Variants in BCAR3 observed in about 807,000 individuals in gnomAD.
BCAR3 encodes breast cancer anti-estrogen resistance protein 3.
Under a neutral mutation model 80.1 loss-of-function variants are expected in BCAR3, and 37 were observed. The ratio of observed to expected loss-of-function variants is 0.46; its 90% CI spans 0.36 to 0.61. The LOEUF is 0.61. Ranked by LOEUF, BCAR3 falls within the 20% of genes least tolerant of loss-of-function variation. The pLI is 0.00. For missense variants in BCAR3, 978 were observed against 1,068.2 expected (o/e 0.92, Z 1.18); for synonymous variants, 389 against 418.9 (o/e 0.93, Z 0.87).
intron 3 of BCAR3, among the ~76,000 whole-genome samples, chr1:93,687,610 C>T (rs1239895973): frequency 6.6e-6 from 1 of 152,170 alleles, no homozygotes; most frequent in East Asian, 1.9e-4. Flanking sequence ...CCCAGCCACA[C>T]TTAAATTTTT....
intron 9 of BCAR3, among the ~76,000 whole-genome samples, chr1:93,568,347 A>G (rs1030110063): frequency 1.3e-5 from 2 of 152,288 alleles, no homozygotes; most frequent in Admixed American, 1.3e-4. Flanking sequence ...CATCCCAGAG[A>G]TGGCAACTCT....
intron 2 of BCAR3, among the ~76,000 whole-genome samples, chr1:93,739,356 G>A (rs184986465): frequency 3.9e-5 from 6 of 152,160 alleles, no homozygotes; most frequent in African/African-American, 1.2e-4. Flanking sequence ...AATAGAAGGG[G>A]TGCCTAGATG....
At chr1:93,763,943 G>A (rs915733837) in intron 2 of BCAR3, among the ~76,000 whole-genome samples, 3 of 152,144 alleles carry the variant, frequency 2.0e-5, no homozygotes, top group African/African-American at 7.2e-5. Context: ...CCACTGATGG[G>A]ATCCAGCTCT....
chr1:93,607,630 A>G (rs1401401461), intron 3 of BCAR3, among the ~76,000 whole-genome samples: 1 of 150,296 alleles, frequency 6.7e-6, no homozygotes, highest in African/African-American at 2.4e-5. Flanking sequence ...AAGGCCCAGC[A>G]TGCTCTGTTC....
chr1:93,653,026 C>T (rs1647204003), intron 2 of BCAR3, among the ~76,000 whole-genome samples: 1 of 152,198 alleles, frequency 6.6e-6, no homozygotes, highest in Non-Finnish European at 1.5e-5. Flanking sequence ...GACACTTGAT[C>T]TGTAAGTGTT....
intron 3 of BCAR3, among the ~76,000 whole-genome samples, chr1:93,696,160 G>A (rs1027937446): frequency 3.3e-5 from 5 of 151,918 alleles, no homozygotes; most frequent in African/African-American, 4.8e-5. Context: ...AGCCTCCCGA[G>A]TAGTTGGAAT....
intron 7 of BCAR3, among the ~76,000 whole-genome samples, chr1:93,577,437 G>A (rs1673502830): frequency 6.6e-6 from 1 of 152,130 alleles, no homozygotes. Context: ...GCTCTCTAGT[G>A]GTAGACGCCA....
intron 2 of BCAR3, among the ~76,000 whole-genome samples, chr1:93,775,623 A>G (rs72723138): frequency 0.093 from 14,086 of 152,206 alleles, 770 homozygotes; most frequent in African/African-American, 0.14. Flanking sequence ...AAATCACTGG[A>G]AAAAAAGTGC....
chr1:93,736,072 G>T (rs753575382), intron 2 of BCAR3, among the ~76,000 whole-genome samples: 1 of 152,192 alleles, frequency 6.6e-6, no homozygotes, highest in African/African-American at 2.4e-5. Flanking sequence ...GTGGTAGGAA[G>T]AAAGAGGAGC....
chr1:93,802,169 G>T (rs1316578603), intron 2 of BCAR3, among the ~76,000 whole-genome samples: 1 of 151,850 alleles, frequency 6.6e-6, no homozygotes, highest in Non-Finnish European at 1.5e-5. Flanking sequence ...AATTAGCCAG[G>T]TGTGGTGATG....
intron 2 of BCAR3, chr1:93,648,630 T>C (rs957435544): frequency 6.6e-6 from 1 of 152,348 alleles, no homozygotes; most frequent in African/African-American, 2.4e-5. Flanking sequence ...CTTGCTTATA[T>C]TTCCTCCTAC....
At chr1:93,754,181 T>C (rs12407922) in intron 2 of BCAR3, 17,818 of 152,270 alleles carry the variant, frequency 0.12, 1,466 homozygotes, top group African/African-American at 0.22. Context: ...CTCAAGGTTC[T>C]GAGGCTGGAT....
At chr1:93,800,305 G>A (rs950362420) in intron 2 of BCAR3, among the ~76,000 whole-genome samples, 1 of 152,108 alleles carries the variant, frequency 6.6e-6, no homozygotes, top group African/African-American at 2.4e-5. Context: ...TGGGCATGGT[G>A]GCTCACATCT....
At chr1:93,847,661 C>T (rs1008476317), upstream of BCAR3, 3 of 152,526 alleles carry the variant, frequency 2.0e-5, no homozygotes, top group African/African-American at 4.8e-5. Context: ...GGAGTCGTAA[C>T]GCTTTTTTCC....
chr1:93,721,908 A>G lies in BCAR3; in HGVS notation c.-62-15766T>C, dbSNP rs560182007. On this transcript the variant is annotated intron_variant, in intron 2 of 13. Coordinates refer to the BCAR3 transcript ENST00000370244. ...AGTGCCTACTGGCTATGAGGACTAAAGGAGTTACCATATGCAGGAGCACTT... is the reference window on the plus strand; with the variant it reads ...AGTGCCTACTGGCTATGAGGACTAAGGGAGTTACCATATGCAGGAGCACTT... Among the ~76,000 whole-genome samples, 4 of 152,366 alleles carry G rather than the reference A, an allele frequency of 2.6e-5. No homozygotes were observed. The East Asian group carries it at 7.7e-4, about 29-fold the overall frequency.
intron 6 of BCAR3, 29 bp downstream of exon 6, chr1:93,583,989 G>A (rs201735346): frequency 6.4e-5 from 103 of 1,598,338 alleles, no homozygotes; most frequent in Non-Finnish European, 8.0e-5. Context: ...TAACACTGAC[G>A]TTCTCCCTGA....
chr1:93,831,245 T>C (rs1044653731), intron 2 of BCAR3, among the ~76,000 whole-genome samples: 2 of 152,148 alleles, frequency 1.3e-5, no homozygotes, highest in Admixed American at 6.5e-5. Context: ...TGCTTCTCCG[T>C]GTCTCTACCT....
chr1:93,569,008 G>GT (rs1440079386), intron 9 of BCAR3, among the ~76,000 whole-genome samples: 1 of 152,070 alleles, frequency 6.6e-6, no homozygotes, highest in East Asian at 1.9e-4. Context: ...TCTTCTGCAG[G>GT]TAACTCAGGG....
chr1:93,629,130 T>C (rs148217247), intron 3 of BCAR3, among the ~76,000 whole-genome samples: 1,703 of 152,304 alleles, frequency 0.011, 27 homozygotes, highest in African/African-American at 0.036. Context: ...CCAAACTCAT[T>C]TCTTAACGTG....
Sources: allele counts gnomAD v4.1 joint callset (sites outside exome capture counted in the v4.1 genomes callset), GRCh38; gene constraint gnomAD v4.1.1; transcripts MANE v1.5; gene names NCBI Gene and HGNC (gene_info 2026-07-23, HGNC 2026-07-21).